Variants in C3orf49 observed in about 807,000 individuals in gnomAD.
C3orf49 encodes the protein putative uncharacterized protein C3orf49.
Under a neutral mutation model 13.3 loss-of-function variants are expected in C3orf49, and 27 were observed. The ratio of observed to expected loss-of-function variants is 2.02; its 90% CI spans 1.49 to 2.79. C3orf49 has a LOEUF of 2.79. Among genes scored for constraint, C3orf49 ranks in the 30% most tolerant of loss-of-function variants. The pLI, the probability that C3orf49 is intolerant of heterozygous loss-of-function variation, is 0.00. For synonymous variants in C3orf49, 87 were observed against 47.6 expected, an observed-to-expected ratio of 1.83 and a Z score of -3.40; for missense variants, 242 against 134.2, an observed-to-expected ratio of 1.80 and a Z score of -3.97.
At position 63,823,477 on chromosome 3, in the gene C3orf49, T is replaced by A; in HGVS notation, c.353T>A (p.Leu118Gln). The part of the protein sequence containing the change: ...EGSTDHKEAL[L>Q]SNTQSLLPRI... ...TCCACTGACCATAAAGAAGCCCTCC[T>A]GTCAAACACGCAGAGCCTTCTCCCT... is the stretch of plus-strand genomic sequence containing the variant. Residue 118 changes from leucine to glutamine, a missense_variant, in exon 2 of 7, where the codon CTG becomes CAG. Coordinates refer to ENST00000295896, the MANE Select transcript of C3orf49 (RefSeq NM_001355236.2). 1.4e-6 allele frequency: 1 copy of A among 703,134 alleles called. No homozygotes were observed. The allele number at this position is 703,134 out of a possible 1,614,324, so 43.6% of individuals were successfully genotyped here.
At chr3:63,825,576 T>C (rs754426312) in intron 2 of C3orf49, among the ~76,000 whole-genome samples, 3 of 152,226 alleles carry the variant, frequency 2.0e-5, no homozygotes, top group Non-Finnish European at 4.4e-5. Context: ...TTAGTTGGAA[T>C]AACAAATATC....
the C3orf49 span, among the ~76,000 whole-genome samples, chr3:63,784,435 ATTGT>A: frequency 1.3e-5 from 2 of 152,204 alleles, no homozygotes; most frequent in Non-Finnish European, 2.9e-5. Context: ...AATGCAAATA[ATTGT>A]TTGTCATGGG....
In C3orf49 at chr3:63,826,019, T is replaced by C. The variant is rs115084818; in HGVS notation, c.446-1582T>C. On this transcript the variant is annotated intron_variant, in intron 2 of 6. Transcript: ENST00000295896. ...AGTTTCCCAGGAATAAGGGAGAGCA[T>C]GTTCAAGTCACAATATCAAGAGATC... is the stretch of plus-strand genomic sequence containing the variant. Among the ~76,000 whole-genome samples, 337 of 152,198 alleles carry C rather than the reference T, an allele frequency of 2.2e-3. 1 individual carries two copies. The highest frequency in any genetic ancestry group is 7.7e-3 in the African/African-American group (320 of 41,526).
the C3orf49 span, among the ~76,000 whole-genome samples, chr3:63,780,180 C>T: frequency 4.5e-4 from 69 of 152,270 alleles, no homozygotes; most frequent in African/African-American, 1.5e-3. Flanking sequence ...GTGATGTTCT[C>T]CTTCTTGTGT....
the C3orf49 span, among the ~76,000 whole-genome samples, chr3:63,808,984 T>C: frequency 6.6e-6 from 1 of 152,100 alleles, no homozygotes; most frequent in African/African-American, 2.4e-5. Flanking sequence ...TCTTTTGGTC[T>C]CCATCAAAGG....
chr3:63,799,973 T>C, the C3orf49 span, among the ~76,000 whole-genome samples: 11 of 152,186 alleles, frequency 7.2e-5, no homozygotes, highest in Non-Finnish European at 1.6e-4. Context: ...TGAAATGTCT[T>C]GACATCTTTT....
the C3orf49 span, among the ~76,000 whole-genome samples, chr3:63,808,031 A>G: frequency 6.6e-5 from 10 of 152,144 alleles, no homozygotes. Flanking sequence ...GAGGAGAACG[A>G]CATAATGAAC....
At chr3:63,834,297 C>CTA in intron 5 of C3orf49, 1 of 1,165,942 alleles carries the variant, frequency 8.6e-7, no homozygotes, top group Non-Finnish European at 1.2e-6. Flanking sequence ...TTAGCCAATA[C>CTA]AATTAAAGCT....
chr3:63,833,997 G>T, intron 5 of C3orf49: 1 of 754,862 alleles, frequency 1.3e-6, no homozygotes, highest in East Asian at 2.8e-5. Flanking sequence ...AAATATGAAT[G>T]AAATACATTC....
the C3orf49 span, among the ~76,000 whole-genome samples, chr3:63,787,738 T>A: frequency 6.6e-6 from 1 of 152,082 alleles, no homozygotes; most frequent in East Asian, 1.9e-4. Flanking sequence ...TCTTTTTCTG[T>A]TTGTTTTTTT....
At chr3:63,818,924 G>C (rs1457083428), upstream of C3orf49, among the ~76,000 whole-genome samples, 10 of 152,172 alleles carry the variant, frequency 6.6e-5, no homozygotes, top group Admixed American at 6.5e-4. Context: ...AACTGGCCTT[G>C]TCATATGTGT....
At chr3:63,824,689 G>T (rs570070009) in intron 2 of C3orf49, among the ~76,000 whole-genome samples, 2 of 152,040 alleles carry the variant, frequency 1.3e-5, no homozygotes, top group South Asian at 2.1e-4. Flanking sequence ...ATACAAAAAA[G>T]ATTAGTCAGG....
chr3:63,803,376 G>A, the C3orf49 span, among the ~76,000 whole-genome samples: 1 of 152,184 alleles, frequency 6.6e-6, no homozygotes, highest in African/African-American at 2.4e-5. Flanking sequence ...AAATGTACAT[G>A]TGGGGTTGAG....
intron 2 of C3orf49, among the ~76,000 whole-genome samples, chr3:63,826,026 G>A (rs912184753): frequency 7.9e-5 from 12 of 152,158 alleles, no homozygotes; most frequent in Non-Finnish European, 1.6e-4. Flanking sequence ...GCATGTTCAA[G>A]TCACAATATC....
At chr3:63,802,462 G>T in the C3orf49 span, among the ~76,000 whole-genome samples, 9 of 152,138 alleles carry the variant, frequency 5.9e-5, no homozygotes, top group African/African-American at 2.2e-4. Flanking sequence ...AACTCATTTC[G>T]TTTAGCCTTT....
the C3orf49 span, among the ~76,000 whole-genome samples, chr3:63,781,405 G>A: frequency 6.6e-6 from 1 of 152,120 alleles, no homozygotes; most frequent in African/African-American, 2.4e-5. Flanking sequence ...TTGTAGCATA[G>A]TTTGAAGTCA....
intron 2 of C3orf49, among the ~76,000 whole-genome samples, chr3:63,824,474 G>T (rs1220828863): frequency 6.6e-6 from 1 of 152,178 alleles, no homozygotes; most frequent in African/African-American, 2.4e-5. Flanking sequence ...TTAATGCCAT[G>T]TGGCATCCTA....
At chr3:63,797,789 C>T in the C3orf49 span, among the ~76,000 whole-genome samples, 1 of 152,106 alleles carries the variant, frequency 6.6e-6, no homozygotes, top group Non-Finnish European at 1.5e-5. Context: ...ACTTTTTCTA[C>T]ATCTCAGAAC....
chr3:63,809,840 G>A, the C3orf49 span, among the ~76,000 whole-genome samples: 2 of 152,060 alleles, frequency 1.3e-5, no homozygotes, highest in East Asian at 1.9e-4. Context: ...ACATAATTGC[G>A]GTTTTTGCCA....
Sources: gnomAD v4.1 joint callset for allele counts (sites outside exome capture counted in the v4.1 genomes callset) on GRCh38, gnomAD v4.1.1 for gene constraint, MANE v1.5 for transcripts, NCBI Gene and HGNC (gene_info 2026-07-23, HGNC 2026-07-21) for gene names.